The following ANO2 variants were observed in gnomAD, a reference collection of about 807,000 sequenced individuals.
ANO2 encodes anoctamin-2.
A neutral mutation model predicts 124.2 loss-of-function variants in ANO2; 101 were observed. That is an observed-to-expected ratio of 0.81 (90% CI 0.69 to 0.96). The LOEUF is 0.96. ANO2 is among the 40% of genes least tolerant of loss of function. ANO2 has a pLI of 0.00. For missense variants in ANO2, 1,293 were observed against 1,274.5 expected (o/e 1.01, Z -0.22); for synonymous variants, 486 against 482.5 (o/e 1.01, Z -0.09).
At chr12:5,810,975 T>C (rs1953370099) in intron 7 of ANO2, among the ~76,000 whole-genome samples, 1 of 152,194 alleles carries the variant, frequency 6.6e-6, no homozygotes, top group Non-Finnish European at 1.5e-5. Context: ...AGACCTAGCA[T>C]TAAGCTTCAT....
At chr12:5,851,958 T>G in intron 4 of ANO2, 1 of 741,686 alleles carries the variant, frequency 1.3e-6, no homozygotes, top group Non-Finnish European at 2.5e-6. Context: ...TTTGCTCACC[T>G]CCTTTCCAAG....
chr12:5,730,694 T>C (rs1051674161), intron 14 of ANO2, among the ~76,000 whole-genome samples: 4 of 152,228 alleles, frequency 2.6e-5, no homozygotes, highest in African/African-American at 9.6e-5. Context: ...CATCCACCTT[T>C]ATCTCCCACC....
At chr12:5,731,675 T>TC (rs928693761) in intron 14 of ANO2, among the ~76,000 whole-genome samples, 12 of 151,632 alleles carry the variant, frequency 7.9e-5, no homozygotes, top group Non-Finnish European at 1.5e-4. Context: ...CATCCCCATG[T>TC]CCCCCCAACA....
rs1468885465 is a variant in ANO2 at position 5,564,203 on chromosome 12, T to A, written c.2728-635A>T. On this transcript the variant is annotated intron_variant, in intron 24 of 24. Coordinates refer to ENST00000682330, the MANE Select transcript of ANO2 (RefSeq NM_001364791.2). The stretch of plus-strand genomic sequence containing the variant: ...CCCTGCCTGTCTGGGAACCCCTGCA[T>A]CCAGCTTGCCCCGATTGGGTCTAGG... Among the ~76,000 whole-genome samples, 5 of 152,226 alleles carry A rather than the reference T, an allele frequency of 3.3e-5. No homozygotes were observed. The East Asian group carries it at 9.6e-4, about 29-fold the overall frequency.
intron 4 of ANO2, 145 bp from the exon 5 acceptor site, chr12:5,832,748 C>T: frequency 3.0e-6 from 3 of 988,628 alleles, no homozygotes; most frequent in Non-Finnish European, 2.9e-6. Flanking sequence ...GAAGGAGGGC[C>T]TTTCCCTTTT....
At chr12:5,844,919 T>C (rs954329298) in intron 4 of ANO2, among the ~76,000 whole-genome samples, 6 of 151,734 alleles carry the variant, frequency 4.0e-5, no homozygotes, top group African/African-American at 1.5e-4. Context: ...TAAATTGTAA[T>C]CATTAGTGTT....
intron 10 of ANO2, among the ~76,000 whole-genome samples, chr12:5,765,138 C>T (rs951427155): frequency 5.9e-5 from 9 of 152,176 alleles, no homozygotes; most frequent in Admixed American, 5.9e-4. Context: ...ATGCAAGAAA[C>T]AAAGAAAGAA....
At chr12:5,642,714 G>A (rs1946444268) in intron 15 of ANO2, among the ~76,000 whole-genome samples, 1 of 152,028 alleles carries the variant, frequency 6.6e-6, no homozygotes, top group South Asian at 2.1e-4. Flanking sequence ...CATAGAATTA[G>A]CCCATGTCCT....
chr12:5,578,638 T>G lies in ANO2; in HGVS notation c.2234-120A>C, dbSNP rs552272353. 1.8e-5 allele frequency: 19 copies of G among 1,044,222 alleles called. No homozygotes were observed. The East Asian group carries it at 4.5e-4, about 25-fold the overall frequency. 64.7% of individuals were successfully genotyped at this position (1,044,222 alleles called of 1,614,324 possible). ...GGGTATCTTTCCCATATGGGGTAAT[T>G]TTTAGTCTCCCTTTTCCTCCTGTGT... is the stretch of plus-strand genomic sequence containing the variant. On this transcript the variant is annotated intron_variant, in intron 20 of 24. Transcript: ENST00000682330.
At chr12:5,766,742 C>A (rs1216255316) in intron 10 of ANO2, among the ~76,000 whole-genome samples, 2 of 152,310 alleles carry the variant, frequency 1.3e-5, no homozygotes, top group East Asian at 3.9e-4. Flanking sequence ...CCAGCAGATT[C>A]CCTGCAGGTC....
chr12:5,758,936 C>T (rs1951658381), intron 10 of ANO2, among the ~76,000 whole-genome samples: 1 of 152,038 alleles, frequency 6.6e-6, no homozygotes, highest in Non-Finnish European at 1.5e-5. Flanking sequence ...TTTTAAATAA[C>T]TCTAATTAAT....
intron 3 of ANO2, among the ~76,000 whole-genome samples, chr12:5,860,902 A>T (rs1339505101): frequency 6.6e-6 from 1 of 152,192 alleles, no homozygotes; most frequent in Non-Finnish European, 1.5e-5. Context: ...TATAGCATTA[A>T]GGAGAAGAAT....
At chr12:5,914,164 C>T (rs868326520) in intron 3 of ANO2, among the ~76,000 whole-genome samples, 11 of 151,618 alleles carry the variant, frequency 7.3e-5, no homozygotes, top group South Asian at 2.1e-4. Context: ...TGCGCTACTG[C>T]ACTCCAGCCT....
At chr12:5,577,730 T>C (rs1942495031) in intron 22 of ANO2, among the ~76,000 whole-genome samples, 2 of 152,224 alleles carry the variant, frequency 1.3e-5, no homozygotes, top group Admixed American at 6.5e-5. Context: ...TGATGGATAA[T>C]TACCTTTCTT....
intron 3 of ANO2, among the ~76,000 whole-genome samples, chr12:5,867,790 A>C (rs886477624): frequency 3.3e-5 from 5 of 151,100 alleles, no homozygotes; most frequent in Non-Finnish European, 5.9e-5. Flanking sequence ...AAAAAAAAAA[A>C]AAAAAAAAAA....
chr12:5,697,379 C>T (rs993143347), intron 14 of ANO2, among the ~76,000 whole-genome samples: 3 of 151,992 alleles, frequency 2.0e-5, no homozygotes, highest in African/African-American at 7.3e-5. Context: ...TTGCAGTGAG[C>T]CGAGATCCCA....
At chr12:5,719,427 G>A (rs1404088491) in intron 14 of ANO2, among the ~76,000 whole-genome samples, 1 of 152,142 alleles carries the variant, frequency 6.6e-6, no homozygotes, top group Non-Finnish European at 1.5e-5. Context: ...TCATATGTTG[G>A]AACTTAAACC....
chr12:5,632,017 A>G (rs1945743266), intron 16 of ANO2, among the ~76,000 whole-genome samples: 2 of 152,186 alleles, frequency 1.3e-5, no homozygotes, highest in East Asian at 1.9e-4. Flanking sequence ...CCATCCAGAC[A>G]GAGGGGATGA....
chr12:5,623,523 T>C (rs896972238), intron 16 of ANO2, among the ~76,000 whole-genome samples: 2 of 152,090 alleles, frequency 1.3e-5, no homozygotes, highest in Non-Finnish European at 2.9e-5. Flanking sequence ...TGAGTGCAAA[T>C]GACCCAGCTG....
Sources: gnomAD v4.1 joint callset for allele counts (sites outside exome capture counted in the v4.1 genomes callset) on GRCh38, gnomAD v4.1.1 for gene constraint, MANE v1.5 for transcripts, NCBI Gene and HGNC (gene_info 2026-07-23, HGNC 2026-07-21) for gene names.